UNC5C: variants seen among roughly 807,000 people sequenced by gnomAD.
UNC5C encodes netrin receptor UNC5C.
In UNC5C, 47 loss-of-function variants were observed where a neutral mutation model predicts 99.8. The observed-to-expected ratio is 0.47, with a 90% CI of 0.37 to 0.60. The LOEUF (loss-of-function observed/expected upper bound fraction) is 0.60. Among genes scored for constraint, UNC5C ranks in the 20% least tolerant of loss-of-function variants. The pLI, the probability that UNC5C is intolerant of heterozygous loss-of-function variation, is 0.00. For synonymous variants in UNC5C, 487 were observed against 452.2 expected (o/e 1.08, Z -0.98); for missense variants, 1,062 against 1,165.9 (o/e 0.91, Z 1.30).
chr4:95,531,319 T>C (rs1722636079), intron 1 of UNC5C, among the ~76,000 whole-genome samples: 1 of 152,208 alleles, frequency 6.6e-6, no homozygotes, highest in South Asian at 2.1e-4. Flanking sequence ...GTCTGTCTCC[T>C]AACCACTTCC....
intron 4 of UNC5C, among the ~76,000 whole-genome samples, chr4:95,253,314 A>G (rs2149383037): frequency 6.6e-6 from 1 of 152,322 alleles, no homozygotes; most frequent in Middle Eastern, 3.4e-3. Context: ...GTCCCAAGGG[A>G]TATTAGAAAC....
rs527514002 is a variant in UNC5C at position 95,428,031 on chromosome 4, T to A, written c.125-92400A>T. On this transcript the variant is annotated intron_variant, in intron 1 of 15. Coordinates refer to ENST00000453304, the MANE Select transcript of UNC5C (RefSeq NM_003728.4). ...CCATCCAAATCGCTAGATTTTCTAC[T>A]CTATGTTAACTATGATCAATTCCTT... Among the ~76,000 whole-genome samples, 4 of 152,132 alleles carry A rather than the reference T, an allele frequency of 2.6e-5. 1 individual carries two copies. The South Asian group carries it at 8.3e-4, about 32-fold the overall frequency.
chr4:95,357,133 T>A (rs1744233218), intron 1 of UNC5C, among the ~76,000 whole-genome samples: 1 of 95,508 alleles, frequency 1.0e-5, no homozygotes, highest in African/African-American at 6.4e-5. Context: ...TTCCTTTTTT[T>A]TGTTTTTTTT....
chr4:95,272,886 A>T (rs1740711582), intron 4 of UNC5C, among the ~76,000 whole-genome samples: 1 of 152,208 alleles, frequency 6.6e-6, no homozygotes, highest in South Asian at 2.1e-4. Flanking sequence ...ATTCATCAAT[A>T]TGAAGTTCCT....
intron 7 of UNC5C, among the ~76,000 whole-genome samples, chr4:95,232,049 A>G (rs960989132): frequency 3.9e-5 from 6 of 152,204 alleles, no homozygotes; most frequent in African/African-American, 1.4e-4. Flanking sequence ...GAAAATGAAT[A>G]GTAGATAATT....
intron 1 of UNC5C, among the ~76,000 whole-genome samples, chr4:95,515,263 T>A (rs1483243621): frequency 2.0e-5 from 3 of 152,200 alleles, no homozygotes; most frequent in Non-Finnish European, 4.4e-5. Context: ...TACATGCTGC[T>A]TTCACATGTA....
chr4:95,253,533 C>T (rs144187843), intron 4 of UNC5C, among the ~76,000 whole-genome samples: 313 of 152,282 alleles, frequency 2.1e-3, no homozygotes, highest in African/African-American at 7.2e-3. Context: ...CAGTGTTTGA[C>T]GACCCCTGTG....
At chr4:95,327,784 C>G (rs1348449932) in intron 2 of UNC5C, among the ~76,000 whole-genome samples, 1 of 152,062 alleles carries the variant, frequency 6.6e-6, no homozygotes, top group East Asian at 1.9e-4. Flanking sequence ...CATCCTCCTT[C>G]CAGCTCCCCT....
At chr4:95,395,758 G>A (rs1056400679) in intron 1 of UNC5C, among the ~76,000 whole-genome samples, 1 of 152,150 alleles carries the variant, frequency 6.6e-6, no homozygotes, top group Non-Finnish European at 1.5e-5. Context: ...GGCCAAAAAA[G>A]CTGTAGGGCA....
In UNC5C at chr4:95,202,716, GT is replaced by G; in HGVS notation, c.2136+14del. 1 of 1,612,034 alleles carries G rather than the reference GT, an allele frequency of 6.2e-7. No individual in the cohort carries two copies. Among genetic ancestry groups the G allele is most frequent in the Non-Finnish European group, 8.5e-7 (1 of 1,178,720 alleles). Reference sequence around the variant, plus strand: ...GGTGGAGGTGAAGAGGGCAGGCTAGGTGGGAGGCACTTACCTTCAGGGCATC... The same window carrying G: ...GGTGGAGGTGAAGAGGGCAGGCTAGGGGGAGGCACTTACCTTCAGGGCATC... On this transcript the variant is annotated intron_variant, in intron 12 of 15. Transcript: ENST00000453304.
At chr4:95,512,047 G>T (rs563447841) in intron 1 of UNC5C, among the ~76,000 whole-genome samples, 1 of 152,086 alleles carries the variant, frequency 6.6e-6, no homozygotes, top group South Asian at 2.1e-4. Flanking sequence ...ACATGGCACT[G>T]TAAGTGGAAT....
intron 1 of UNC5C, among the ~76,000 whole-genome samples, chr4:95,419,633 G>A (rs1308461525): frequency 6.6e-6 from 1 of 152,102 alleles, no homozygotes; most frequent in Non-Finnish European, 1.5e-5. Flanking sequence ...TTTATTGAGT[G>A]CTACTGTACA....
intron 14 of UNC5C, among the ~76,000 whole-genome samples, chr4:95,174,637 T>A (rs1484567870): frequency 6.6e-6 from 1 of 151,716 alleles, no homozygotes; most frequent in Non-Finnish European, 1.5e-5. Context: ...TTCATTTACA[T>A]TTGCTGAGGA....
intron 1 of UNC5C, among the ~76,000 whole-genome samples, chr4:95,396,569 G>A (rs911241252): frequency 6.6e-6 from 1 of 152,102 alleles, no homozygotes; most frequent in African/African-American, 2.4e-5. Flanking sequence ...CCTGAAAACC[G>A]AGCTGGCAGT....
chr4:95,198,925 T>G (rs1213669884), intron 12 of UNC5C, among the ~76,000 whole-genome samples: 1 of 152,170 alleles, frequency 6.6e-6, no homozygotes, highest in Non-Finnish European at 1.5e-5. Flanking sequence ...CTCTTAACTT[T>G]GGTGGCACAA....
intron 1 of UNC5C, among the ~76,000 whole-genome samples, chr4:95,503,221 G>T (rs996191639): frequency 1.3e-5 from 2 of 152,072 alleles, no homozygotes; most frequent in East Asian, 1.9e-4. Flanking sequence ...GCCCCTTCTT[G>T]GTTTCTCTCT....
At chr4:95,397,255 C>T (rs1455609849) in intron 1 of UNC5C, among the ~76,000 whole-genome samples, 2 of 152,164 alleles carry the variant, frequency 1.3e-5, no homozygotes, top group African/African-American at 4.8e-5. Flanking sequence ...AATATAAGTG[C>T]TTTACACAAA....
chr4:95,506,314 T>C (rs1190754124), intron 1 of UNC5C, among the ~76,000 whole-genome samples: 1 of 152,060 alleles, frequency 6.6e-6, no homozygotes, highest in Non-Finnish European at 1.5e-5. Context: ...ATTTAGGATG[T>C]TGCTTTCTTA....
In UNC5C at chr4:95,398,044, C is replaced by CTTTTTT. The variant is rs34609153; in HGVS notation, c.125-62419_125-62414dup. Among the ~76,000 whole-genome samples the CTTTTTT allele has an allele frequency of 3.3e-3, 316 of 95,858 alleles. 25 individuals carry two copies. The highest frequency in any genetic ancestry group is 0.014 in the African/African-American group (277 of 20,436). The allele number at this position is 95,858 out of a possible 152,430, so 62.9% of individuals were successfully genotyped here. On this transcript the variant is annotated intron_variant, in intron 1 of 15. Transcript: ENST00000453304. ...CCCAATGAGAAGTAGCCAAATGTAGCTTTTTTTTTTTTTTTTTTTGCTTAT... is the reference window on the plus strand; with the variant it reads ...CCCAATGAGAAGTAGCCAAATGTAGCTTTTTTTTTTTTTTTTTTTTTTTTTGCTTAT...
Sources: gnomAD v4.1 joint callset for allele counts (sites outside exome capture counted in the v4.1 genomes callset) on GRCh38, gnomAD v4.1.1 for gene constraint, MANE v1.5 for transcripts, NCBI Gene and HGNC (gene_info 2026-07-23, HGNC 2026-07-21) for gene names.